TANC2: variants seen among roughly 807,000 people sequenced by gnomAD.
The protein encoded by TANC2 is tetratricopeptide repeat, ankyrin repeat and coiled-coil containing 2.
In TANC2, 26 loss-of-function variants were observed where a neutral mutation model predicts 210.5. The ratio of observed to expected loss-of-function variants is 0.12; its 90% CI spans 0.09 to 0.17. The LOEUF is 0.17. TANC2 is among the 10% of genes least tolerant of loss of function. TANC2 has a pLI of 1.00. For synonymous variants in TANC2, 931 were observed against 967.1 expected, an observed-to-expected ratio of 0.96 and a Z score of 0.69; for missense variants, 2,129 against 2,608.9, an observed-to-expected ratio of 0.82 and a Z score of 4.01.
At chr17:63,000,676 C>T (rs1258330808) in intron 1 of TANC2, among the ~76,000 whole-genome samples, 2 of 152,098 alleles carry the variant, frequency 1.3e-5, no homozygotes, top group Non-Finnish European at 2.9e-5. Flanking sequence ...TTTCACTTGC[C>T]AGGGATGTAT....
At chr17:62,973,411 T>C (rs982635606) in intron 1 of TANC2, among the ~76,000 whole-genome samples, 1 of 152,228 alleles carries the variant, frequency 6.6e-6, no homozygotes, top group Admixed American at 6.5e-5. Flanking sequence ...ACTTTTCATC[T>C]TTTCAGCATC....
chr17:62,994,348 A>ATTTT (rs373819801), intron 1 of TANC2, among the ~76,000 whole-genome samples: 3 of 137,170 alleles, frequency 2.2e-5, no homozygotes, highest in African/African-American at 5.4e-5. Context: ...CACCTGGCTC[A>ATTTT]TTTTTTTTTT....
At chr17:63,293,803 A>T (rs1436454368) in intron 9 of TANC2, among the ~76,000 whole-genome samples, 1 of 151,938 alleles carries the variant, frequency 6.6e-6, no homozygotes, top group Non-Finnish European at 1.5e-5. Flanking sequence ...GCAGTACCAT[A>T]ATCACAGCTC....
At chr17:62,995,407 CTT>C (rs1193231878) in intron 1 of TANC2, among the ~76,000 whole-genome samples, 1 of 152,162 alleles carries the variant, frequency 6.6e-6, no homozygotes, top group Non-Finnish European at 1.5e-5. Flanking sequence ...AAATACTTGA[CTT>C]AGTTGAAATT....
At chr17:63,338,855 A>T (rs2046126107) in intron 11 of TANC2, 1 of 152,188 alleles carries the variant, frequency 6.6e-6, no homozygotes, top group Admixed American at 6.5e-5. Context: ...TCAGGTGTTT[A>T]AAAAATATCG....
At chr17:62,969,357 A>T (rs77123746) in intron 1 of TANC2, among the ~76,000 whole-genome samples, 7 of 152,238 alleles carry the variant, frequency 4.6e-5, no homozygotes, top group Admixed American at 1.3e-4. Flanking sequence ...TGCTAGCTCC[A>T]GAACCTGTGC....
chr17:63,418,110 G>A lies in TANC2; in HGVS notation c.4168-197G>A, dbSNP rs537733143. 6.6e-6 allele frequency among the ~76,000 whole-genome samples: 1 copy of A among 152,200 alleles called. No homozygotes were observed. The highest frequency in any genetic ancestry group is 1.5e-5 in the Non-Finnish European group (1 of 68,034). ...GGCAGATAAAGTCCAGTGAGCAGTCGCAGCGCTACACAGGACAAAGGCAGA... is the reference window on the plus strand; with the variant it reads ...GGCAGATAAAGTCCAGTGAGCAGTCACAGCGCTACACAGGACAAAGGCAGA... On this transcript the variant is annotated intron_variant, in intron 26 of 27. Transcript: ENST00000689528. The surrounding 1 kb of genome is among the most constrained non-coding windows in gnomAD (Gnocchi z 4.6).
intron 14 of TANC2, among the ~76,000 whole-genome samples, chr17:63,362,829 A>G (rs959050321): frequency 3.9e-5 from 6 of 152,218 alleles, no homozygotes; most frequent in Non-Finnish European, 7.3e-5. Context: ...ATGGATGCCC[A>G]GGTCTGCAGC....
intron 1 of TANC2, among the ~76,000 whole-genome samples, chr17:62,997,876 C>T (rs1365924884): frequency 1.3e-5 from 2 of 151,976 alleles, no homozygotes; most frequent in Admixed American, 1.3e-4. Flanking sequence ...AATATAAAAC[C>T]ATTTAAGCAG....
intron 9 of TANC2, among the ~76,000 whole-genome samples, chr17:63,296,081 A>G (rs1277326330): frequency 1.3e-5 from 2 of 152,206 alleles, no homozygotes; most frequent in African/African-American, 2.4e-5. Context: ...CTGAGTGGTT[A>G]GCTACTTCCT....
At chr17:63,073,900 A>G (rs965171346) in intron 2 of TANC2, 43 bp from the exon 3 acceptor site, 3 of 1,483,814 alleles carry the variant, frequency 2.0e-6, no homozygotes, top group Admixed American at 2.0e-5. Context: ...TGTTATGTCA[A>G]TCTCATTATC....
At chr17:63,242,251 G>A (rs1033074261) in intron 8 of TANC2, among the ~76,000 whole-genome samples, 2 of 151,960 alleles carry the variant, frequency 1.3e-5, no homozygotes, top group Admixed American at 6.6e-5. Flanking sequence ...ATAAAAGCCC[G>A]ATAAGCTTTT....
At chr17:63,360,530 T>C (rs1477702146) in intron 14 of TANC2, among the ~76,000 whole-genome samples, 1 of 152,180 alleles carries the variant, frequency 6.6e-6, no homozygotes, top group Non-Finnish European at 1.5e-5. Context: ...CATACATATA[T>C]ATATATATGG....
rs572175615 is a variant in TANC2 at position 63,312,896 on chromosome 17, A to G, written c.1160-1492A>G. 5.9e-5 allele frequency among the ~76,000 whole-genome samples: 9 copies of G among 152,266 alleles called. No homozygotes were observed. In the South Asian group the frequency reaches 1.9e-3, roughly 32 times the overall value. ...GTTTCTGTTGTCAGAATTTGGCTTT[A>G]TATTTTAAATTATTTGCACTACTTT... On this transcript the variant is annotated intron_variant, in intron 9 of 27. Coordinates refer to ENST00000689528, the Ensembl canonical transcript of TANC2.
intron 5 of TANC2, among the ~76,000 whole-genome samples, chr17:63,190,599 A>T (rs1311638015): frequency 6.6e-6 from 1 of 152,200 alleles, no homozygotes; most frequent in East Asian, 1.9e-4. Flanking sequence ...GAAGAAGGAA[A>T]GGAAGCGAGT....
intron 4 of TANC2, among the ~76,000 whole-genome samples, chr17:63,144,201 AAAATGGTG>A (rs2039387239): frequency 6.6e-6 from 1 of 152,180 alleles, no homozygotes; most frequent in Non-Finnish European, 1.5e-5. Context: ...GTTAATCTTA[AAAATGGTG>A]AAACTATGTA....
At chr17:63,338,678 A>C (rs1477869305) in intron 11 of TANC2, among the ~76,000 whole-genome samples, 1 of 152,222 alleles carries the variant, frequency 6.6e-6, no homozygotes. Flanking sequence ...TCACCAGTCT[A>C]TCTGAAGAAA....
chr17:63,029,127 C>G (rs1048915677), intron 2 of TANC2, among the ~76,000 whole-genome samples: 2 of 152,006 alleles, frequency 1.3e-5, no homozygotes, highest in African/African-American at 4.8e-5. Flanking sequence ...TTATTATGCA[C>G]CATGTTAAGT....
chr17:63,405,054 C>G, intron 19 of TANC2, 68 bp from the exon 20 acceptor site: 2 of 1,423,198 alleles, frequency 1.4e-6, no homozygotes, highest in Non-Finnish European at 9.4e-7. Flanking sequence ...AAGGATATGT[C>G]ACGTTTAACA....
Sources: gnomAD v4.1 joint callset for allele counts (sites outside exome capture counted in the v4.1 genomes callset) on GRCh38, gnomAD v4.1.1 for gene constraint, Gnocchi (gnomAD v3.1) non-coding constraint, MANE v1.5 for transcripts, NCBI Gene and HGNC (gene_info 2026-07-23, HGNC 2026-07-21) for gene names.